Variants in VPS13B observed in about 807,000 individuals in gnomAD.
VPS13B encodes intermembrane lipid transfer protein VPS13B.
In VPS13B, 285 loss-of-function variants were observed where a neutral mutation model predicts 426.4. The ratio of observed to expected loss-of-function variants is 0.67; its 90% CI spans 0.61 to 0.74. The LOEUF (loss-of-function observed/expected upper bound fraction) is 0.74. Ranked by LOEUF, VPS13B falls within the 30% of genes least tolerant of loss-of-function variation. The probability of loss-of-function intolerance (pLI) is 0.00; values close to 1 mark genes in which losing one functional copy is unlikely to be tolerated. For missense variants in VPS13B, 4,537 were observed against 4,782.6 expected, an observed-to-expected ratio of 0.95 and a Z score of 1.51; for synonymous variants, 1,676 against 1,676.4, an observed-to-expected ratio of 1.00 and a Z score of 0.01.
intron 7 of VPS13B, among the ~76,000 whole-genome samples, chr8:99,116,405 A>G (rs73281671): frequency 0.017 from 2,537 of 151,996 alleles, 66 homozygotes; most frequent in African/African-American, 0.058. Context: ...TAACTTCTAT[A>G]TTTATAATAG....
intron 8 of VPS13B, among the ~76,000 whole-genome samples, chr8:99,132,054 G>A (rs933087290): frequency 2.6e-5 from 4 of 152,038 alleles, no homozygotes; most frequent in African/African-American, 7.2e-5. Flanking sequence ...GCACCACCAC[G>A]CTTGGCTAAT....
In VPS13B at chr8:99,763,163, A is replaced by AAAG. The variant is rs1457662405; in HGVS notation, c.7051-3606_7051-3604dup. On this transcript the variant is annotated intron_variant, in intron 39 of 61. Transcript: ENST00000357162. ...AAAAAAAAAAAAAAAAAAAAAAAAA[A>AAAG]AAGAAGAGAAAAATTAATTTGCCCA... Among the ~76,000 whole-genome samples, 148 of 146,924 alleles carry AAAG rather than the reference A, an allele frequency of 1.0e-3. 2 individuals are homozygous for AAAG. The highest frequency in any genetic ancestry group is 7.0e-3 in the Middle Eastern group (2 of 284).
At chr8:99,645,174 C>G (rs895313944) in intron 34 of VPS13B, among the ~76,000 whole-genome samples, 5 of 152,178 alleles carry the variant, frequency 3.3e-5, no homozygotes, top group African/African-American at 1.2e-4. Flanking sequence ...TAAGTTTTAA[C>G]TGATGAATTT....
intron 61 of VPS13B, among the ~76,000 whole-genome samples, chr8:99,872,429 T>A (rs1410319381): frequency 1.3e-5 from 2 of 152,166 alleles, no homozygotes; most frequent in African/African-American, 4.8e-5. Flanking sequence ...TTGGGGCAGC[T>A]CCATGGCTGG....
intron 61 of VPS13B, among the ~76,000 whole-genome samples, chr8:99,874,608 T>A (rs1304358990): frequency 6.6e-6 from 1 of 151,616 alleles, no homozygotes; most frequent in African/African-American, 2.4e-5. Context: ...ATCAGTGGCT[T>A]ACAATTGCAA....
chr8:99,806,208 A>G lies in VPS13B; in HGVS notation c.7942-3167A>G, dbSNP rs144334883. On this transcript the variant is annotated intron_variant, in intron 43 of 61. Coordinates refer to ENST00000357162, the MANE Select transcript of VPS13B (RefSeq NM_152564.5). Reference sequence around the variant, plus strand: ...GTTTAGTAAATCAGTGCCAGCCACAATCTAAATCTATGTATTTAACCTTAT... The same window carrying G: ...GTTTAGTAAATCAGTGCCAGCCACAGTCTAAATCTATGTATTTAACCTTAT... Among the ~76,000 whole-genome samples the G allele has an allele frequency of 4.9e-3, 746 of 152,342 alleles. 6 individuals are homozygous for G. The highest frequency in any genetic ancestry group is 0.017 in the African/African-American group (699 of 41,584).
chr8:99,328,337 T>C (rs1036913311), intron 19 of VPS13B, among the ~76,000 whole-genome samples: 1 of 152,186 alleles, frequency 6.6e-6, no homozygotes, highest in Non-Finnish European at 1.5e-5. Flanking sequence ...AAGGATTTAT[T>C]ATAAAGATTT....
chr8:99,764,500 A>G (rs1468741305), intron 39 of VPS13B, among the ~76,000 whole-genome samples: 1 of 132,674 alleles, frequency 7.5e-6, no homozygotes, highest in Non-Finnish European at 1.5e-5. Context: ...GGCAACCTCC[A>G]CCTCCTGGGT....
chr8:99,161,488 A>G (rs866016946), intron 15 of VPS13B, among the ~76,000 whole-genome samples: 2 of 152,318 alleles, frequency 1.3e-5, no homozygotes, highest in Non-Finnish European at 2.9e-5. Flanking sequence ...CTACTTGTCA[A>G]TATGTTAAAA....
At chr8:99,141,787 G>A (rs1289067678) in intron 12 of VPS13B, among the ~76,000 whole-genome samples, 1 of 151,104 alleles carries the variant, frequency 6.6e-6, no homozygotes, top group Admixed American at 6.6e-5. Flanking sequence ...GCTCACTCCT[G>A]TAATCTCAGC....
At chr8:99,333,360 G>A (rs779950231) in intron 19 of VPS13B, among the ~76,000 whole-genome samples, 1 of 151,658 alleles carries the variant, frequency 6.6e-6, no homozygotes, top group African/African-American at 2.4e-5. Context: ...TTCACATGCA[G>A]TTGTACAAAA....
chr8:99,453,099 A>G (rs1344512846), intron 23 of VPS13B, among the ~76,000 whole-genome samples: 1 of 152,236 alleles, frequency 6.6e-6, no homozygotes, highest in East Asian at 1.9e-4. Context: ...GGATTTAGTG[A>G]GTTTTAATAG....
chr8:99,414,279 T>A (rs1353745160), intron 21 of VPS13B, among the ~76,000 whole-genome samples: 7 of 152,012 alleles, frequency 4.6e-5, no homozygotes, highest in Middle Eastern at 3.4e-3. Context: ...TGGTAGATCT[T>A]CCTCCATCCC....
chr8:99,846,512 G>A (rs1456947375), intron 54 of VPS13B, among the ~76,000 whole-genome samples: 1 of 152,172 alleles, frequency 6.6e-6, no homozygotes, highest in African/African-American at 2.4e-5. Context: ...GTATCACTCA[G>A]GTACCTAACT....
intron 35 of VPS13B, among the ~76,000 whole-genome samples, chr8:99,673,785 G>T (rs1830813048): frequency 6.6e-6 from 1 of 151,656 alleles, no homozygotes; most frequent in Non-Finnish European, 1.5e-5. Flanking sequence ...ATATCCTTTA[G>T]GTTTAGGTAT....
intron 43 of VPS13B, among the ~76,000 whole-genome samples, chr8:99,791,244 A>C (rs1301474923): frequency 6.6e-6 from 1 of 152,140 alleles, no homozygotes; most frequent in African/African-American, 2.4e-5. Context: ...GGAACCCCTG[A>C]TTGTAGGGAT....
intron 21 of VPS13B, among the ~76,000 whole-genome samples, chr8:99,404,651 T>G (rs1815231756): frequency 6.6e-6 from 1 of 152,208 alleles, no homozygotes; most frequent in African/African-American, 2.4e-5. Context: ...TTCAAGTTAT[T>G]TAAATTTATA....
chr8:99,694,730 CA>C (rs1386280182), intron 35 of VPS13B, among the ~76,000 whole-genome samples: 1 of 151,506 alleles, frequency 6.6e-6, no homozygotes, highest in Non-Finnish European at 1.5e-5. Context: ...TTCTGCACAG[CA>C]AAAGAAACCA....
At chr8:99,217,276 A>G (rs1277278087) in intron 17 of VPS13B, among the ~76,000 whole-genome samples, 1 of 152,162 alleles carries the variant, frequency 6.6e-6, no homozygotes, top group Non-Finnish European at 1.5e-5. Flanking sequence ...TAATCCTTAG[A>G]ATAGCCCTGT....
Sources: allele counts gnomAD v4.1 joint callset (sites outside exome capture counted in the v4.1 genomes callset), GRCh38; gene constraint gnomAD v4.1.1; transcripts MANE v1.5; gene names NCBI Gene and HGNC (gene_info 2026-07-23, HGNC 2026-07-21).